SAP130: variants seen among roughly 807,000 people sequenced by gnomAD.
SAP130 encodes Sin3A associated protein 130.
SAP130 carries 16 observed loss-of-function variants against 103.2 expected under a neutral mutation model. That is an observed-to-expected ratio of 0.16 (90% CI 0.10 to 0.24). The LOEUF (loss-of-function observed/expected upper bound fraction) is 0.24, where lower values mean the gene tolerates loss of function less well. SAP130 is among the 10% of genes least tolerant of loss of function. SAP130 has a pLI of 1.00. For synonymous variants in SAP130, 477 were observed against 497.0 expected (o/e 0.96, Z 0.53); for missense variants, 990 against 1,359.7 (o/e 0.73, Z 4.28).
chr2:127,943,135 C>A (rs1678823042), intron 19 of SAP130, among the ~76,000 whole-genome samples: 2 of 152,194 alleles, frequency 1.3e-5, no homozygotes, highest in Admixed American at 6.5e-5. Context: ...TCTTCTGAAA[C>A]ACAAGTCTCC....
chr2:128,010,873 A>T (rs970450457), intron 6 of SAP130, among the ~76,000 whole-genome samples: 6 of 151,374 alleles, frequency 4.0e-5, no homozygotes, highest in African/African-American at 1.5e-4. Context: ...GAAAAAATAG[A>T]AAAGAAAAAA....
In SAP130 at chr2:128,014,951, T is replaced by C. The variant is rs751559590; in HGVS notation, c.508-37A>G. 4 of 1,532,874 alleles carry C rather than the reference T, an allele frequency of 2.6e-6. No individual in the cohort carries two copies. In the East Asian group the frequency reaches 9.0e-5, roughly 35 times the overall value. The allele number at this position is 1,532,874 out of a possible 1,614,324, so 95.0% of individuals were successfully genotyped here. ...AGGATAGAACGTTATTTTTACATGT[T>C]TGCTCTTAGCCATTGCCTCTAGGAA... On this transcript the variant is annotated intron_variant, in intron 4 of 20. Transcript: ENST00000643581.
At chr2:127,977,400 C>A (rs999526176) in intron 15 of SAP130, among the ~76,000 whole-genome samples, 1 of 150,738 alleles carries the variant, frequency 6.6e-6, no homozygotes, top group African/African-American at 2.4e-5. Context: ...CTCCGGTGGC[C>A]GAGGCAGGAG....
At chr2:128,021,996 C>A (rs1368295355) in intron 2 of SAP130, among the ~76,000 whole-genome samples, 1 of 152,206 alleles carries the variant, frequency 6.6e-6, no homozygotes, top group Non-Finnish European at 1.5e-5. Flanking sequence ...TTCACTAATT[C>A]TTTGTGTAAC....
intron 18 of SAP130, among the ~76,000 whole-genome samples, chr2:127,949,569 C>T (rs923687931): frequency 1.3e-5 from 2 of 152,200 alleles, no homozygotes; most frequent in African/African-American, 4.8e-5. Context: ...CTGGAAGCCA[C>T]AGGTATCCTC....
chr2:127,964,410 C>T (rs551452137), intron 15 of SAP130, among the ~76,000 whole-genome samples: 14 of 145,550 alleles, frequency 9.6e-5, no homozygotes, highest in Non-Finnish European at 2.1e-4. Flanking sequence ...AGGAGAATCA[C>T]TTGAATCCAG....
intron 15 of SAP130, among the ~76,000 whole-genome samples, chr2:127,970,240 A>T (rs937139850): frequency 5.1e-5 from 7 of 137,092 alleles, no homozygotes; most frequent in Admixed American, 1.5e-4. Flanking sequence ...AAAAAAAAAA[A>T]TTTTAAATTA....
At chr2:127,985,098 C>A (rs534546311) in intron 14 of SAP130, among the ~76,000 whole-genome samples, 23 of 152,222 alleles carry the variant, frequency 1.5e-4, no homozygotes, top group Non-Finnish European at 2.9e-5. Flanking sequence ...TTCCCAGCTT[C>A]AGTTGCTACT....
At chr2:128,002,101 ATT>A (rs1181051858) in intron 7 of SAP130, among the ~76,000 whole-genome samples, 1 of 151,992 alleles carries the variant, frequency 6.6e-6, no homozygotes, top group African/African-American at 2.4e-5. Flanking sequence ...TAATTTTTGT[ATT>A]TTTAGTAGAG....
intron 16 of SAP130, among the ~76,000 whole-genome samples, chr2:127,954,113 G>C (rs186022257): frequency 2.4e-3 from 367 of 152,228 alleles, no homozygotes; most frequent in Non-Finnish European, 3.5e-3. Context: ...GCATAACTGA[G>C]GGTGCTTCAT....
chr2:127,951,757 C>G (rs971028611), intron 16 of SAP130, among the ~76,000 whole-genome samples: 2 of 152,232 alleles, frequency 1.3e-5, no homozygotes, highest in African/African-American at 4.8e-5. Context: ...CACTACCATG[C>G]TGACTGGCCT....
At chr2:127,987,820 A>G (rs903476840) in intron 13 of SAP130, among the ~76,000 whole-genome samples, 6 of 152,190 alleles carry the variant, frequency 3.9e-5, no homozygotes, top group Non-Finnish European at 8.8e-5. Context: ...CTATCTTTAG[A>G]AACACATTCA....
intron 3 of SAP130, 114 bp downstream of exon 3, chr2:128,017,566 A>C: frequency 7.5e-6 from 7 of 927,614 alleles, no homozygotes; most frequent in Non-Finnish European, 1.1e-5. Context: ...ATATGTCATA[A>C]AGAAAAAATG....
At chr2:127,964,723 C>T (rs144215472) in intron 15 of SAP130, among the ~76,000 whole-genome samples, 10 of 151,898 alleles carry the variant, frequency 6.6e-5, no homozygotes, top group Non-Finnish European at 7.4e-5. Context: ...ACTGGCTGGG[C>T]GTGGTGGCTC....
rs571047189 is a variant in SAP130 at position 127,989,650 on chromosome 2, A to G, written c.1694T>C (p.Ile565Thr). The change falls in exon 13 of 21, where the codon ATT becomes ACT. Residue 565 changes from isoleucine to threonine, a missense_variant. This residue lies in a region of SAP130 where 349 missense variants were observed against 384.1 expected (regional missense o/e 0.91). Transcript: ENST00000643581. The surrounding 1 kb of genome is among the most constrained non-coding windows in gnomAD (Gnocchi z 4.6). ...TGTGTTGATTGGGGTTGCTGAGTGA[A>G]TTCCCTGTGTGCCAAGTGGTGCAGG... ...IQPAPLGTQGIHSATPINTQG... is the reference protein window; with the variant it reads ...IQPAPLGTQGTHSATPINTQG... 1.9e-6 allele frequency: 3 copies of G among 1,614,122 alleles called. No individual in the cohort carries two copies. The highest frequency in any genetic ancestry group is 2.5e-6 in the Non-Finnish European group (3 of 1,180,026).
At chr2:127,956,919 G>C (rs1237758597) in intron 15 of SAP130, among the ~76,000 whole-genome samples, 5 of 152,084 alleles carry the variant, frequency 3.3e-5, no homozygotes, top group Admixed American at 2.6e-4. Flanking sequence ...TGTTGAGTGA[G>C]AGAAGACAAA....
intron 1 of SAP130, chr2:128,027,305 C>T: frequency 1.7e-6 from 2 of 1,159,686 alleles, no homozygotes; most frequent in Non-Finnish European, 2.1e-6. Context: ...TCCCCCGAAC[C>T]TGCCCCTGCC....
intron 13 of SAP130, among the ~76,000 whole-genome samples, chr2:127,988,131 T>G (rs1331197556): frequency 2.6e-5 from 4 of 152,182 alleles, no homozygotes; most frequent in Non-Finnish European, 5.9e-5. Context: ...CAATTAAAAT[T>G]CATAGCTCCA....
In SAP130 at chr2:127,986,992, T is replaced by C. The variant is rs760801637; in HGVS notation, c.1781-30A>G. ...AGGAGAGAGGCAACAGGAAAGAACATTGAAGAGAGGGAAACAAAATGCCAT... is the reference window on the plus strand; with the variant it reads ...AGGAGAGAGGCAACAGGAAAGAACACTGAAGAGAGGGAAACAAAATGCCAT... On this transcript the variant is annotated intron_variant, in intron 13 of 20. Coordinates refer to ENST00000643581, the MANE Select transcript of SAP130 (RefSeq NM_001330301.2). This position sits in a 1 kb window ranked among gnomAD's most constrained non-coding sequence, Gnocchi z 4.7. The C allele has an allele frequency of 6.3e-6, 10 of 1,589,018 alleles. No individual in the cohort carries two copies. The highest frequency in any genetic ancestry group is 1.1e-5 in the South Asian group (1 of 89,954).
Sources: gnomAD v4.1 joint callset for allele counts (sites outside exome capture counted in the v4.1 genomes callset) on GRCh38, gnomAD v4.1.1 for gene constraint, gnomAD v4.1.1 regional missense constraint, Gnocchi (gnomAD v3.1) non-coding constraint, MANE v1.5 for transcripts, NCBI Gene and HGNC (gene_info 2026-07-23, HGNC 2026-07-21) for gene names.